HDLBP: variants seen among roughly 807,000 people sequenced by gnomAD.
The protein encoded by HDLBP is high density lipoprotein binding protein, also known as vigilin.
Under a neutral mutation model 137.3 loss-of-function variants are expected in HDLBP, and 30 were observed. That is an observed-to-expected ratio of 0.22 (90% CI 0.16 to 0.30). The LOEUF is 0.30. Ranked by LOEUF, HDLBP falls within the 10% of genes least tolerant of loss-of-function variation. HDLBP has a pLI of 1.00. For missense variants in HDLBP, 1,119 were observed against 1,667.3 expected (o/e 0.67, Z 5.73); for synonymous variants, 606 against 596.0 (o/e 1.02, Z -0.24).
At chr2:241,298,220 G>C (rs2075258465) in intron 1 of HDLBP, among the ~76,000 whole-genome samples, 6 of 151,956 alleles carry the variant, frequency 3.9e-5, no homozygotes, top group Admixed American at 3.9e-4. Context: ...CAGAAAATTA[G>C]CTGGGCGTGG....
chr2:241,274,283 G>A (rs1379392483), intron 1 of HDLBP, among the ~76,000 whole-genome samples: 1 of 152,204 alleles, frequency 6.6e-6, no homozygotes, highest in African/African-American at 2.4e-5. Flanking sequence ...AATCACAGAA[G>A]GCAGAGAACA....
intron 7 of HDLBP, 85 bp downstream of exon 7, chr2:241,256,099 A>G: frequency 8.8e-7 from 1 of 1,135,338 alleles, no homozygotes; most frequent in Non-Finnish European, 1.3e-6. Context: ...GATAAGGGGC[A>G]GAACCAGGCC....
Position 241,233,468 on chromosome 2 carries a change from A to T in HDLBP, c.3288+352T>A, listed in dbSNP as rs917513574. 1.3e-5 allele frequency among the ~76,000 whole-genome samples: 2 copies of T among 152,138 alleles called. No individual in the cohort carries two copies. The highest frequency in any genetic ancestry group is 4.8e-5 in the African/African-American group (2 of 41,426). On this transcript the variant is annotated intron_variant, in intron 24 of 27. Transcript: ENST00000310931. This position sits in a 1 kb window ranked among gnomAD's most constrained non-coding sequence, Gnocchi z 4.3. ...CCTGACCCCAAGAGGCCCAGGTGAC[A>T]GGTGAATGAGAGCCCTTGGGAGCCT...
chr2:241,241,030 C>T (rs1157235649), intron 17 of HDLBP, among the ~76,000 whole-genome samples: 1 of 152,112 alleles, frequency 6.6e-6, no homozygotes, highest in East Asian at 1.9e-4. Context: ...CAAAGACATC[C>T]ACAAATAGCA....
In HDLBP at chr2:241,230,637, C is replaced by A. The variant is rs1559470358; in HGVS notation, c.3474+122G>T. 5 of 850,214 alleles carry A rather than the reference C, an allele frequency of 5.9e-6. No individual in the cohort carries two copies. The highest frequency in any genetic ancestry group is 9.3e-6 in the Non-Finnish European group (5 of 538,670). The allele number at this position is 850,214 out of a possible 1,614,324, so 52.7% of individuals were successfully genotyped here. A position where few individuals can be genotyped will look rare whatever the true frequency, so the allele number is the denominator to read the frequency against. On this transcript the variant is annotated intron_variant, in intron 25 of 27. Transcript: ENST00000310931. The surrounding 1 kb of genome is among the most constrained non-coding windows in gnomAD (Gnocchi z 5.0). ...GGTGTCCATGAGGACAGTTCCACTG[C>A]CAGCCCTGGGGTTGTGGCCTCATCA...
intron 1 of HDLBP, among the ~76,000 whole-genome samples, chr2:241,292,993 A>T (rs1478269339): frequency 6.6e-6 from 1 of 151,880 alleles, no homozygotes; most frequent in Non-Finnish European, 1.5e-5. Context: ...GTGCCACTGC[A>T]CTCGGCCTGG....
chr2:241,272,340 G>A lies in HDLBP; in HGVS notation c.-102-3799C>T, dbSNP rs2074137986. 2 of 984,048 alleles carry A rather than the reference G, an allele frequency of 2.0e-6. No homozygotes were observed. The highest frequency in any genetic ancestry group is 6.2e-5 in the Admixed American group (1 of 16,208). 61.0% of individuals were successfully genotyped at this position (984,048 alleles called of 1,614,324 possible). Reference sequence around the variant, plus strand: ...CGCCGGAGCGGGGGAGGGGAGGGCCGGCCCCGCCAACGTCAGCGACCTGGG... The same window carrying A: ...CGCCGGAGCGGGGGAGGGGAGGGCCAGCCCCGCCAACGTCAGCGACCTGGG... On this transcript the variant is annotated intron_variant, in intron 1 of 27. Coordinates refer to ENST00000310931, the MANE Select transcript of HDLBP (RefSeq NM_005336.6). The surrounding 1 kb of genome is among the most constrained non-coding windows in gnomAD (Gnocchi z 5.6).
intron 1 of HDLBP, among the ~76,000 whole-genome samples, chr2:241,299,138 G>C (rs1019697963): frequency 6.6e-6 from 1 of 152,204 alleles, no homozygotes; most frequent in Non-Finnish European, 1.5e-5. Flanking sequence ...ATAAAGAGCT[G>C]TACGGTACCC....
At chr2:241,259,016 C>T (rs1376984358) in intron 5 of HDLBP, among the ~76,000 whole-genome samples, 2 of 152,174 alleles carry the variant, frequency 1.3e-5, no homozygotes, top group Non-Finnish European at 2.9e-5. Flanking sequence ...AGCATATGCA[C>T]ACGATTGCTA....
intron 1 of HDLBP, among the ~76,000 whole-genome samples, chr2:241,281,162 C>A (rs1378653636): frequency 6.6e-6 from 1 of 152,104 alleles, no homozygotes; most frequent in Non-Finnish European, 1.5e-5. Flanking sequence ...TCGAGATCAG[C>A]CTGACCAACA....
At chr2:241,242,764 GT>G in intron 16 of HDLBP, 86 bp from the exon 17 acceptor site, 1 of 1,168,704 alleles carries the variant, frequency 8.6e-7, no homozygotes, top group South Asian at 1.3e-5. Flanking sequence ...ATCTTTGGTG[GT>G]GATGAACACG....
intron 14 of HDLBP, chr2:241,247,408 G>A (rs2071766225): frequency 4.1e-6 from 2 of 482,610 alleles, no homozygotes; most frequent in Non-Finnish European, 7.6e-6. Flanking sequence ...GTTAAGGAAG[G>A]GGCTCAGAAC....
At position 241,272,131 on chromosome 2, in the gene HDLBP, C is replaced by T. The variant is rs989588002; in HGVS notation, c.-102-3590G>A. On this transcript the variant is annotated intron_variant, in intron 1 of 27. Coordinates refer to ENST00000310931, the MANE Select transcript of HDLBP (RefSeq NM_005336.6). This position sits in a 1 kb window ranked among gnomAD's most constrained non-coding sequence, Gnocchi z 5.6. Reference sequence around the variant, plus strand: ...GGGCACGTCCAAGTTGCACTCCAGGCCCAAGAAGAGCAGCTTTCCCCACCC... The same window carrying T: ...GGGCACGTCCAAGTTGCACTCCAGGTCCAAGAAGAGCAGCTTTCCCCACCC... The T allele has an allele frequency of 2.1e-6, 2 of 969,178 alleles. No homozygotes were observed. The highest frequency in any genetic ancestry group is 3.5e-5 in the African/African-American group (2 of 56,942). 60.0% of individuals were successfully genotyped at this position (969,178 alleles called of 1,614,324 possible).
intron 1 of HDLBP, among the ~76,000 whole-genome samples, chr2:241,292,351 T>C (rs2075038059): frequency 6.6e-6 from 1 of 152,092 alleles, no homozygotes; most frequent in Admixed American, 6.6e-5. Flanking sequence ...CCTTCATAAA[T>C]AAATGGCATT....
At chr2:241,313,851 T>C (rs1252747434) in intron 1 of HDLBP, among the ~76,000 whole-genome samples, 1 of 152,198 alleles carries the variant, frequency 6.6e-6, no homozygotes, top group Non-Finnish European at 1.5e-5. Flanking sequence ...GGACGTGATA[T>C]AGGTCAACTA....
chr2:241,301,287 A>G (rs10933549), intron 1 of HDLBP, among the ~76,000 whole-genome samples: 79,472 of 151,492 alleles, frequency 0.52, 21,699 homozygotes, highest in East Asian at 0.78. Flanking sequence ...GCACCCGGCC[A>G]CACACATACT....
intron 22 of HDLBP, 107 bp downstream of exon 22, chr2:241,235,383 G>T: frequency 2.0e-6 from 3 of 1,475,974 alleles, no homozygotes; most frequent in Non-Finnish European, 2.8e-6. Context: ...TGCCCAGTCC[G>T]AGCAGGAGGA....
intron 12 of HDLBP, 72 bp from the exon 13 acceptor site, chr2:241,248,420 C>T: frequency 8.2e-7 from 1 of 1,218,150 alleles, no homozygotes. Context: ...CACAAGGGGA[C>T]ACCAGGGAGC....
At chr2:241,299,840 A>C (rs2075328522) in intron 1 of HDLBP, among the ~76,000 whole-genome samples, 1 of 152,110 alleles carries the variant, frequency 6.6e-6, no homozygotes, top group East Asian at 1.9e-4. Context: ...GCGTGAACCC[A>C]GGAGGCAGAG....
Sources: gnomAD v4.1 joint callset for allele counts (sites outside exome capture counted in the v4.1 genomes callset) on GRCh38, gnomAD v4.1.1 for gene constraint, Gnocchi (gnomAD v3.1) non-coding constraint, MANE v1.5 for transcripts, NCBI Gene and HGNC (gene_info 2026-07-23, HGNC 2026-07-21) for gene names.